CDYL2: variants seen among roughly 807,000 people sequenced by gnomAD.
CDYL2 encodes the protein chromodomain Y-like protein 2.
Under a neutral mutation model 49.4 loss-of-function variants are expected in CDYL2, and 23 were observed. The observed-to-expected ratio is 0.47, with a 90% confidence interval of 0.34 to 0.66. CDYL2 has a LOEUF of 0.66. CDYL2 is among the 30% of genes least tolerant of loss of function. CDYL2 has a pLI of 0.01. For synonymous variants in CDYL2, 360 were observed against 268.8 expected (o/e 1.34, Z -3.32); for missense variants, 678 against 656.4 (o/e 1.03, Z -0.36).
rs111599744 is a variant in CDYL2, at chr16:80,604,223, A to T, written c.*165T>A. 8.0e-6 allele frequency: 6 copies of T among 745,514 alleles called. No homozygotes were observed. In the African/African-American group the frequency reaches 8.8e-5, roughly 11 times the overall value. 46.2% of individuals were successfully genotyped at this position (745,514 alleles called of 1,614,324 possible). On this transcript the variant is annotated 3_prime_UTR_variant, in exon 7 of 7. Transcript: ENST00000570137. ...GTATGCTGCGTTTTCCATCCATTAC[A>T]CAAAATCAAACCAAGGAGGAGCAAC...
At chr16:80,654,221 C>T (rs976110855) in intron 2 of CDYL2, among the ~76,000 whole-genome samples, 5 of 152,134 alleles carry the variant, frequency 3.3e-5, no homozygotes, top group Admixed American at 6.5e-5. Flanking sequence ...ACTGAGACTC[C>T]GGAACCCAAC....
chr16:80,674,441 A>C (rs1240029085), intron 2 of CDYL2, among the ~76,000 whole-genome samples: 1 of 146,912 alleles, frequency 6.8e-6, no homozygotes, highest in Non-Finnish European at 1.5e-5. Flanking sequence ...TTTTTAAAAC[A>C]AAAACAGCTT....
intron 2 of CDYL2, among the ~76,000 whole-genome samples, chr16:80,667,399 C>A (rs942191354): frequency 6.6e-5 from 10 of 152,224 alleles, no homozygotes; most frequent in Admixed American, 3.3e-4. Context: ...ATGCTGTCAT[C>A]ACCTCCTGAC....
At chr16:80,683,382 A>G (rs965368907) in intron 2 of CDYL2, among the ~76,000 whole-genome samples, 1 of 152,254 alleles carries the variant, frequency 6.6e-6, no homozygotes, top group Non-Finnish European at 1.5e-5. Flanking sequence ...GACTGATGCC[A>G]TGAAGGACTC....
At chr16:80,703,109 T>G (rs1904312076) in intron 1 of CDYL2, among the ~76,000 whole-genome samples, 1 of 152,130 alleles carries the variant, frequency 6.6e-6, no homozygotes. Flanking sequence ...CAGAATTATC[T>G]CAACCATGTA....
At chr16:80,642,874 G>C (rs968672861) in intron 2 of CDYL2, among the ~76,000 whole-genome samples, 1 of 152,132 alleles carries the variant, frequency 6.6e-6, no homozygotes, top group Non-Finnish European at 1.5e-5. Context: ...GATGAGATTT[G>C]AGTGGGGACA....
At chr16:80,735,520 G>C (rs1408923310) in intron 1 of CDYL2, among the ~76,000 whole-genome samples, 1 of 152,160 alleles carries the variant, frequency 6.6e-6, no homozygotes, top group African/African-American at 2.4e-5. Flanking sequence ...CACTGAATGT[G>C]AGTGATTAAT....
At chr16:80,742,879 G>T (rs1286941527) in intron 1 of CDYL2, among the ~76,000 whole-genome samples, 1 of 150,958 alleles carries the variant, frequency 6.6e-6, no homozygotes, top group African/African-American at 2.4e-5. Flanking sequence ...GTGGGTAGAT[G>T]GGTGAAGGAT....
At chr16:80,653,834 C>T (rs559096659) in intron 2 of CDYL2, among the ~76,000 whole-genome samples, 1 of 152,344 alleles carries the variant, frequency 6.6e-6, no homozygotes, top group East Asian at 1.9e-4. Flanking sequence ...GGTTCTTACA[C>T]TTGCGTGTAC....
At chr16:80,732,661 A>T (rs930260511) in intron 1 of CDYL2, among the ~76,000 whole-genome samples, 2 of 152,212 alleles carry the variant, frequency 1.3e-5, no homozygotes, top group Non-Finnish European at 2.9e-5. Flanking sequence ...ATTTTAAAAT[A>T]CCTGAAATAA....
intron 2 of CDYL2, among the ~76,000 whole-genome samples, chr16:80,640,986 G>A (rs970197900): frequency 6.6e-6 from 1 of 152,180 alleles, no homozygotes; most frequent in African/African-American, 2.4e-5. Context: ...AAATCTAAGA[G>A]TTACTGGCCT....
At chr16:80,791,183 T>C (rs1377341407) in intron 1 of CDYL2, among the ~76,000 whole-genome samples, 1 of 152,172 alleles carries the variant, frequency 6.6e-6, no homozygotes, top group Non-Finnish European at 1.5e-5. Context: ...GTTTGGCTTA[T>C]AGGAAAACAA....
chr16:80,608,095 G>T lies in CDYL2; in HGVS notation c.1359C>A (p.Ala453=), dbSNP rs146529911. 3 of 1,580,940 alleles carry T rather than the reference G, an allele frequency of 1.9e-6. No homozygotes were observed. In the Admixed American group the frequency reaches 5.3e-5, roughly 28 times the overall value. ...LRVKEMASCS[A]VVLEESKCLV... ...CGCAGGAGGCGCAGGAACTCACCAC[G>T]GCACTGCAGGATGCCATCTCCTTGA... is the stretch of plus-strand genomic sequence containing the variant. Residue 453 remains alanine, a synonymous_variant, in exon 6 of 7, where the codon GCC becomes GCA. Coordinates refer to ENST00000570137, the MANE Select transcript of CDYL2 (RefSeq NM_152342.4).
intron 2 of CDYL2, among the ~76,000 whole-genome samples, chr16:80,654,827 G>A (rs1293030588): frequency 6.6e-6 from 1 of 152,232 alleles, no homozygotes; most frequent in African/African-American, 2.4e-5. Flanking sequence ...ACATCAAGAT[G>A]CAGCTCCTGA....
intron 2 of CDYL2, among the ~76,000 whole-genome samples, chr16:80,659,596 T>C (rs527360778): frequency 6.6e-6 from 1 of 151,956 alleles, no homozygotes; most frequent in Non-Finnish European, 1.5e-5. Flanking sequence ...GTTTATATAA[T>C]GTGTATATAT....
At chr16:80,702,992 A>G (rs1228990038) in intron 1 of CDYL2, among the ~76,000 whole-genome samples, 2 of 152,174 alleles carry the variant, frequency 1.3e-5, no homozygotes, top group African/African-American at 4.8e-5. Flanking sequence ...ACTTGACATA[A>G]AAGTTTATTA....
At chr16:80,617,943 T>G (rs1906904455) in intron 4 of CDYL2, among the ~76,000 whole-genome samples, 1 of 152,104 alleles carries the variant, frequency 6.6e-6, no homozygotes. Flanking sequence ...TGGCCCCACC[T>G]CAGCCTAAAT....
At chr16:80,765,188 A>G (rs1906678371) in intron 1 of CDYL2, among the ~76,000 whole-genome samples, 1 of 147,292 alleles carries the variant, frequency 6.8e-6, no homozygotes, top group Non-Finnish European at 1.5e-5. Flanking sequence ...ATAATAATAT[A>G]CTGGTTATAT....
At chr16:80,798,603 T>C (rs1907835448) in intron 1 of CDYL2, among the ~76,000 whole-genome samples, 1 of 152,218 alleles carries the variant, frequency 6.6e-6, no homozygotes, top group Non-Finnish European at 1.5e-5. Flanking sequence ...AACATACAAA[T>C]ATATGTTCAT....
Sources: allele counts gnomAD v4.1 joint callset (sites outside exome capture counted in the v4.1 genomes callset), GRCh38; gene constraint gnomAD v4.1.1; transcripts MANE v1.5; gene names NCBI Gene and HGNC (gene_info 2026-07-23, HGNC 2026-07-21).